The following TTC23 variants were observed in gnomAD, a reference collection of about 807,000 sequenced individuals.
The protein encoded by TTC23 is tetratricopeptide repeat domain 23.
In TTC23, 58 loss-of-function variants were observed where a neutral mutation model predicts 55.1. That is an observed-to-expected ratio of 1.05 (90% CI 0.85 to 1.31). TTC23 has a LOEUF of 1.31. Ranked by LOEUF, TTC23 falls within the 50% of genes most tolerant of loss-of-function variation. The pLI is 0.00. For missense variants in TTC23, 516 were observed against 534.4 expected (o/e 0.97, Z 0.34); for synonymous variants, 203 against 199.9 (o/e 1.02, Z -0.13).
intron 10 of TTC23, among the ~76,000 whole-genome samples, chr15:99,166,520 G>A (rs2072116944): frequency 6.6e-6 from 1 of 152,194 alleles, no homozygotes; most frequent in Admixed American, 6.5e-5. Context: ...GGGAACGGGT[G>A]TGAGGGAGGA....
In TTC23 at chr15:99,200,034, T is replaced by A. The variant is rs557511588; in HGVS notation, c.644A>T (p.Tyr215Phe). The change falls in exon 9 of 14, where the codon TAT becomes TTT. Residue 215 changes from tyrosine (Y) to phenylalanine (F), a missense_variant. Physicochemically the swap from Tyr to Phe is conservative, Grantham distance 22. Coordinates refer to ENST00000394132, the MANE Select transcript of TTC23 (RefSeq NM_001288615.3). ...ALSHYQAALE[Y>F]VEISKGETSR... is the part of the protein sequence containing the mutation. ...TGTTTCACCTTTACTGATCTCAACA[T>A]ATTCCAAAGCTGCTTGATAGTGGGA... 3.7e-6 allele frequency: 6 copies of A among 1,614,058 alleles called. No homozygotes were observed. The South Asian group carries it at 6.6e-5, about 18-fold the overall frequency.
In TTC23 at chr15:99,222,280, T is replaced by G. The variant is rs977686464; in HGVS notation, c.181-416A>C. ...CTTTGTGTGTGTGTGTATGTGTGTG[T>G]GTGTATGAGACAGGGTCTCACTCAC... On this transcript the variant is annotated intron_variant, in intron 5 of 13. Coordinates refer to ENST00000394132, the MANE Select transcript of TTC23 (RefSeq NM_001288615.3). Among the ~76,000 whole-genome samples, 6 of 152,136 alleles carry G rather than the reference T, an allele frequency of 3.9e-5. No individual in the cohort carries two copies. In the East Asian group the frequency reaches 5.8e-4, roughly 15 times the overall value.
intron 12 of TTC23, among the ~76,000 whole-genome samples, chr15:99,155,049 C>G (rs2070349335): frequency 6.6e-6 from 1 of 151,872 alleles, no homozygotes. Flanking sequence ...TAGAATACCC[C>G]CAAAACCTGG....
intron 10 of TTC23, among the ~76,000 whole-genome samples, chr15:99,171,785 T>C (rs1367140864): frequency 6.6e-6 from 1 of 151,694 alleles, no homozygotes; most frequent in African/African-American, 2.4e-5. Flanking sequence ...GATGGTTTGA[T>C]GGTCTCTATC....
intron 9 of TTC23, among the ~76,000 whole-genome samples, chr15:99,197,495 G>A (rs2075842590): frequency 1.3e-5 from 2 of 152,136 alleles, no homozygotes; most frequent in Non-Finnish European, 2.9e-5. Context: ...GGAAAGGAAA[G>A]AGAAAATTAA....
intron 9 of TTC23, among the ~76,000 whole-genome samples, chr15:99,185,193 C>T (rs886424604): frequency 6.6e-6 from 1 of 152,100 alleles, no homozygotes; most frequent in Admixed American, 6.6e-5. Flanking sequence ...AAACAAAAGG[C>T]TAGTATTAAT....
At chr15:99,234,255 T>G (rs2079137481) in intron 4 of TTC23, among the ~76,000 whole-genome samples, 1 of 152,214 alleles carries the variant, frequency 6.6e-6, no homozygotes, top group Non-Finnish European at 1.5e-5. Context: ...AGAAAATATT[T>G]TCATAAACAT....
chr15:99,173,688 T>A (rs1276266099), intron 10 of TTC23, among the ~76,000 whole-genome samples: 1 of 152,218 alleles, frequency 6.6e-6, no homozygotes, highest in Non-Finnish European at 1.5e-5. Flanking sequence ...TAAGCCTCCC[T>A]TCCACATGGC....
chr15:99,184,641 T>C (rs935638831), intron 9 of TTC23, among the ~76,000 whole-genome samples: 6 of 152,218 alleles, frequency 3.9e-5, no homozygotes, highest in African/African-American at 1.4e-4. Context: ...TAACTTGCTT[T>C]TGATTTTACA....
In TTC23 at chr15:99,215,830, A is replaced by G. The variant is rs533523706; in HGVS notation, c.581+2758T>C. 2.2e-4 allele frequency among the ~76,000 whole-genome samples: 33 copies of G among 152,348 alleles called. No homozygotes were observed. The South Asian group carries it at 5.8e-3, about 27-fold the overall frequency. ...ATTAATGGGTATAAAATGGAATGAT[A>G]GAAATATTTGATTAATCTAAAAGAA... is the stretch of plus-strand genomic sequence containing the variant. On this transcript the variant is annotated intron_variant, in intron 8 of 13. Transcript: ENST00000394132.
intron 12 of TTC23, chr15:99,141,037 GAGGT>G (rs1344622695): frequency 4.6e-5 from 7 of 152,098 alleles, no homozygotes; most frequent in Non-Finnish European, 8.8e-5. Flanking sequence ...AAACCTCAAT[GAGGT>G]AGGTACCATT....
chr15:99,205,757 G>A (rs1314151279), intron 8 of TTC23, among the ~76,000 whole-genome samples: 1 of 151,926 alleles, frequency 6.6e-6, no homozygotes, highest in African/African-American at 2.4e-5. Context: ...CTACAAACAA[G>A]GATAATTTGA....
intron 12 of TTC23, chr15:99,139,761 A>G (rs1208830639): frequency 1.5e-6 from 2 of 1,310,610 alleles, no homozygotes; most frequent in African/African-American, 3.0e-5. Flanking sequence ...AAGATTTAAA[A>G]AAATAGTTTT....
chr15:99,250,079 G>T, upstream of TTC23, among the ~76,000 whole-genome samples: 1 of 151,580 alleles, frequency 6.6e-6, no homozygotes, highest in South Asian at 2.1e-4. Flanking sequence ...TTTTTTGGGG[G>T]GTGTAACTCT....
intron 9 of TTC23, among the ~76,000 whole-genome samples, chr15:99,183,855 A>G (rs1176693937): frequency 6.6e-6 from 1 of 152,186 alleles, no homozygotes; most frequent in East Asian, 1.9e-4. Flanking sequence ...AGACCTTCAC[A>G]GCAGCCCCCC....
intron 5 of TTC23, among the ~76,000 whole-genome samples, chr15:99,225,189 C>T (rs2078290206): frequency 6.6e-6 from 1 of 152,158 alleles, no homozygotes; most frequent in South Asian, 2.1e-4. Context: ...TAGAGGTATA[C>T]AAGAAACAGC....
At chr15:99,182,242 TCTCTCTCA>T (rs1239480933) in intron 9 of TTC23, among the ~76,000 whole-genome samples, 10 of 104,414 alleles carry the variant, frequency 9.6e-5, no homozygotes, top group African/African-American at 2.3e-4. Flanking sequence ...TCTCTCTCTC[TCTCTCTCA>T]CACACACACA....
chr15:99,153,019 G>A (rs1336581568), intron 12 of TTC23, among the ~76,000 whole-genome samples: 4 of 152,072 alleles, frequency 2.6e-5, no homozygotes, highest in Non-Finnish European at 4.4e-5. Context: ...AGCTGGTCTC[G>A]AACTCCTGGT....
At position 99,139,351 on chromosome 15, in the gene TTC23, G is replaced by A; in HGVS notation, c.1192C>T (p.Leu398=). Residue 398 remains leucine, a synonymous_variant, in exon 13 of 14, where the codon CTG becomes TTG. Coordinates refer to ENST00000394132, the MANE Select transcript of TTC23 (RefSeq NM_001288615.3). ...LLYGPQDKRT[L]ATQQAMGMLS... ...ATGCCCATGGCCTGCTGGGTGGCCA[G>A]AGTCCTTTTGTCCTGCGGTCCATAT... 2 of 1,613,970 alleles carry A rather than the reference G, an allele frequency of 1.2e-6. No individual in the cohort carries two copies. The highest frequency in any genetic ancestry group is 1.1e-5 in the South Asian group (1 of 91,086).
Sources: allele counts gnomAD v4.1 joint callset (sites outside exome capture counted in the v4.1 genomes callset), GRCh38; gene constraint gnomAD v4.1.1; transcripts MANE v1.5; gene names NCBI Gene and HGNC (gene_info 2026-07-23, HGNC 2026-07-21).